Variants in GOPC observed in about 807,000 individuals in gnomAD.
GOPC encodes golgi associated PDZ and coiled-coil motif containing, also known as Golgi-associated PDZ and coiled-coil motif-containing protein.
Under a neutral mutation model 51.2 loss-of-function variants are expected in GOPC, and 32 were observed. The observed-to-expected ratio is 0.63, with a 90% CI of 0.47 to 0.84. The LOEUF (loss-of-function observed/expected upper bound fraction) is 0.84. Among genes scored for constraint, GOPC ranks in the 40% least tolerant of loss-of-function variants. The pLI is 0.00. For missense variants in GOPC, 441 were observed against 555.5 expected (o/e 0.79, Z 2.07); for synonymous variants, 190 against 205.1 (o/e 0.93, Z 0.63).
chr6:117,594,815 A>C (rs1353238323), intron 1 of GOPC, among the ~76,000 whole-genome samples: 5 of 152,240 alleles, frequency 3.3e-5, no homozygotes, highest in South Asian at 2.1e-4. Flanking sequence ...GAGGATGTGA[A>C]AGAAGGTGTA....
chr6:117,594,468 AT>A (rs1398148179), intron 1 of GOPC, among the ~76,000 whole-genome samples: 1 of 152,164 alleles, frequency 6.6e-6, no homozygotes, highest in African/African-American at 2.4e-5. Flanking sequence ...CATTTACATG[AT>A]TATTCTCCCA....
chr6:117,593,486 GCTAT>G (rs1234281243), intron 1 of GOPC, among the ~76,000 whole-genome samples: 1 of 152,032 alleles, frequency 6.6e-6, no homozygotes, highest in Non-Finnish European at 1.5e-5. Context: ...CTCACTTCTT[GCTAT>G]CTATTCAGCC....
Position 117,573,476 on chromosome 6 carries a change from T to A in GOPC, c.807A>T (p.Pro269=). The change falls in exon 5 of 9, where the codon CCA becomes CCT. Residue 269 remains proline, a synonymous_variant. Coordinates refer to ENST00000368498, the MANE Select transcript of GOPC (RefSeq NM_020399.4). ...RNDLKRPMQA[P]PGHDQDSLKK... Reference sequence around the variant, plus strand: ...AGCAAAGCAAACATACATGGCCTGGTGGTGCTTGCATTGGTCGTTTCAAGT... The same window carrying A: ...AGCAAAGCAAACATACATGGCCTGGAGGTGCTTGCATTGGTCGTTTCAAGT... The A allele has an allele frequency of 1.2e-6, 2 of 1,613,270 alleles. No homozygotes were observed. Among genetic ancestry groups the A allele is most frequent in the Non-Finnish European group, 1.7e-6 (2 of 1,179,550 alleles).
chr6:117,599,421 G>T (rs902645160), intron 1 of GOPC, among the ~76,000 whole-genome samples: 6 of 152,156 alleles, frequency 3.9e-5, no homozygotes, highest in Non-Finnish European at 8.8e-5. Flanking sequence ...TCTGTAGATG[G>T]AACAGCAGCA....
chr6:117,575,677 GA>G (rs3833931), intron 3 of GOPC: 15,132 of 401,962 alleles, frequency 0.038, 392 homozygotes, highest in Non-Finnish European at 0.046. Context: ...ACCCTTTTGA[GA>G]GTTAAATAAG....
intron 1 of GOPC, among the ~76,000 whole-genome samples, chr6:117,593,517 T>C (rs1054232261): frequency 8.5e-5 from 13 of 152,348 alleles, no homozygotes; most frequent in Middle Eastern, 3.4e-3. Context: ...ACTCTTTCTG[T>C]CTGCTTCTCT....
At chr6:117,583,172 C>G (rs1779984835) in intron 1 of GOPC, among the ~76,000 whole-genome samples, 1 of 152,192 alleles carries the variant, frequency 6.6e-6, no homozygotes, top group Admixed American at 6.5e-5. Context: ...AAGTTTGCTC[C>G]TGCCAGTGCC....
chr6:117,578,874 G>A, intron 2 of GOPC, 26 bp downstream of exon 2: 2 of 1,510,060 alleles, frequency 1.3e-6, no homozygotes, highest in Non-Finnish European at 1.8e-6. Flanking sequence ...TACATGCAAG[G>A]GCATGTCACT....
chr6:117,582,508 C>G (rs1212081637), intron 1 of GOPC, among the ~76,000 whole-genome samples: 1 of 151,460 alleles, frequency 6.6e-6, no homozygotes, highest in Non-Finnish European at 1.5e-5. Context: ...CTATGGCCTG[C>G]CCTGCCCCCC....
intron 5 of GOPC, among the ~76,000 whole-genome samples, chr6:117,572,870 T>C (rs1030912219): frequency 2.6e-5 from 4 of 152,258 alleles, no homozygotes; most frequent in African/African-American, 9.6e-5. Context: ...TACTAAGATA[T>C]GTGAACCCTT....
At position 117,575,220 on chromosome 6, in the gene GOPC, C is replaced by T. The variant is rs776682065; in HGVS notation, c.607G>A (p.Ala203Thr). ...TCCAAGTACTTGGCAGCTAGTCTCGCCCCATATACTTCAGCCTGGAGAACA... is the reference window on the plus strand; with the variant it reads ...TCCAAGTACTTGGCAGCTAGTCTCGTCCCATATACTTCAGCCTGGAGAACA... ...IAVLQAEVYG[A>T]RLAAKYLDKE... The change falls in exon 4 of 9, where the codon GCG (alanine) becomes ACG (threonine). Residue 203 changes from alanine to threonine, a missense_variant. Around this residue, in one of 3 missense-constraint regions of GOPC, gnomAD observed 166 missense variants for 267.0 expected, o/e 0.62. Transcript: ENST00000368498. The T allele has an allele frequency of 6.2e-7, 1 of 1,612,090 alleles. No homozygotes were observed. Among genetic ancestry groups the T allele is most frequent in the Non-Finnish European group, 8.5e-7 (1 of 1,179,492 alleles).
At chr6:117,570,120 T>C (rs1014911802) in intron 6 of GOPC, among the ~76,000 whole-genome samples, 5 of 151,962 alleles carry the variant, frequency 3.3e-5, no homozygotes, top group African/African-American at 1.2e-4. Context: ...ATTGAAAAAA[T>C]GCAGTATTTG....
At chr6:117,598,567 T>G (rs1477201346) in intron 1 of GOPC, among the ~76,000 whole-genome samples, 3 of 152,158 alleles carry the variant, frequency 2.0e-5, no homozygotes, top group African/African-American at 7.2e-5. Flanking sequence ...ACAAAAGACA[T>G]TAGACTCTCA....
intron 5 of GOPC, 48 bp from the exon 6 acceptor site, chr6:117,571,003 T>C: frequency 2.2e-6 from 2 of 906,308 alleles, no homozygotes; most frequent in African/African-American, 1.7e-5. Context: ...TTAAATAGCA[T>C]ACCAAATAGA....
intron 8 of GOPC, among the ~76,000 whole-genome samples, chr6:117,564,373 T>G (rs1191350095): frequency 6.6e-6 from 1 of 152,208 alleles, no homozygotes; most frequent in Non-Finnish European, 1.5e-5. Flanking sequence ...TATTTTTCAT[T>G]GTTGCTTTCA....
chr6:117,582,666 C>A (rs532023689), intron 1 of GOPC, among the ~76,000 whole-genome samples: 22 of 150,924 alleles, frequency 1.5e-4, no homozygotes, highest in African/African-American at 4.6e-4. Flanking sequence ...CCCTTCCCAT[C>A]CCCTTTCCAG....
At chr6:117,591,746 A>G (rs886264738) in intron 1 of GOPC, among the ~76,000 whole-genome samples, 1 of 152,220 alleles carries the variant, frequency 6.6e-6, no homozygotes, top group Non-Finnish European at 1.5e-5. Flanking sequence ...GATAAGAGAT[A>G]AGGAGAGACA....
At chr6:117,569,531 C>A in intron 7 of GOPC, 41 bp downstream of exon 7, 2 of 1,603,986 alleles carry the variant, frequency 1.2e-6, no homozygotes, top group South Asian at 2.2e-5. Context: ...GATTCATAAC[C>A]AATTGATAGA....
intron 1 of GOPC, among the ~76,000 whole-genome samples, chr6:117,585,194 A>G (rs1780012270): frequency 6.6e-6 from 1 of 152,216 alleles, no homozygotes; most frequent in Non-Finnish European, 1.5e-5. Flanking sequence ...TTTTATTCAC[A>G]GTTTCCTATT....
Sources: allele counts gnomAD v4.1 joint callset (sites outside exome capture counted in the v4.1 genomes callset), GRCh38; gene constraint gnomAD v4.1.1; regional missense constraint gnomAD v4.1.1; transcripts MANE v1.5; gene names NCBI Gene and HGNC (gene_info 2026-07-23, HGNC 2026-07-21).